The following CROCC2 variants were observed in gnomAD, a reference collection of about 807,000 sequenced individuals.
CROCC2 encodes ciliary rootlet coiled-coil, rootletin family member 2.
CROCC2 carries 163 observed loss-of-function variants against 177.6 expected under a neutral mutation model. The observed-to-expected ratio is 0.92, with a 90% CI of 0.81 to 1.05. The LOEUF (loss-of-function observed/expected upper bound fraction) is 1.05. CROCC2 is among the 50% of genes least tolerant of loss of function. The pLI is 0.00. For missense variants in CROCC2, 1,929 were observed against 1,797.8 expected (o/e 1.07, Z -1.32); for synonymous variants, 904 against 787.3 (o/e 1.15, Z -2.48).
At position 240,932,385 on chromosome 2, in the gene CROCC2, G is replaced by T; in HGVS notation, c.1015G>T (p.Ala339Ser). ...GAATGAGCAGAAGGCGAAGACCATC[G>T]CTGCCCTCAGAACCGACCTGCAGAA... ...EQNEQKAKTI[A>S]ALRTDLQNLV... is the part of the protein sequence containing the mutation. The change falls in exon 8 of 32, where the codon GCT becomes TCT. Residue 339 changes from alanine (A) to serine (S), a missense_variant. By Grantham distance (99) the Ala-to-Ser change is moderately conservative. Around this residue, in one of 3 missense-constraint regions of CROCC2, gnomAD observed 1,397 missense variants for 1,239.9 expected, o/e 1.13. Coordinates refer to ENST00000690015, the MANE Select transcript of CROCC2 (RefSeq NM_001351305.2). The T allele has an allele frequency of 1.4e-6, 1 of 717,482 alleles. No individual in the cohort carries two copies. The highest frequency in any genetic ancestry group is 2.6e-6 in the Non-Finnish European group (1 of 385,062). 44.4% of individuals were successfully genotyped at this position (717,482 alleles called of 1,614,324 possible). A position where few individuals can be genotyped will look rare whatever the true frequency, so the allele number is the denominator to read the frequency against.
rs146695571 is a variant in CROCC2 at position 240,993,067 on chromosome 2, G to T, written c.4948G>T (p.Ala1650Ser). 4 of 716,878 alleles carry T rather than the reference G, an allele frequency of 5.6e-6. No homozygotes were observed. The African/African-American group carries it at 7.0e-5, about 13-fold the overall frequency. The allele number at this position is 716,878 out of a possible 1,614,324, so 44.4% of individuals were successfully genotyped here. ...GCCTCCCTCTTTGCATCCCTGCAGC[G>T]CCCAAAGGGACTGAAGCTCCCAGCA... ...HLGQAFQTGH[A>S]QRD The change falls in exon 32 of 32, where the codon GCC (alanine) becomes TCC (serine). Residue 1650 changes from alanine to serine, a missense_variant and splice_region_variant. This residue lies in a region of CROCC2 where 388 missense variants were observed against 352.7 expected (regional missense o/e 1.10). Transcript: ENST00000690015.
chr2:240,958,799 G>A lies in CROCC2; in HGVS notation c.2944-502G>A, dbSNP rs1359137133. 6.6e-6 allele frequency among the ~76,000 whole-genome samples: 1 copy of A among 152,228 alleles called. No individual in the cohort carries two copies. The highest frequency in any genetic ancestry group is 1.5e-5 in the Non-Finnish European group (1 of 68,026). On this transcript the variant is annotated intron_variant, in intron 19 of 31. Transcript: ENST00000690015. This position sits in a 1 kb window ranked among gnomAD's most constrained non-coding sequence, Gnocchi z 6.7. ...AGCGGGGTGGTGTCCCGAGGGGCCT[G>A]GGGCTTGGGGTGAAGAAGGTGGTAT...
intron 14 of CROCC2, among the ~76,000 whole-genome samples, chr2:240,940,653 A>G (rs1025378620): frequency 1.3e-5 from 2 of 152,198 alleles, no homozygotes; most frequent in African/African-American, 4.8e-5. Context: ...GCATCCCTTT[A>G]TGATTAAAAC....
At position 240,933,290 on chromosome 2, in the gene CROCC2, G is replaced by T; in HGVS notation, c.1411G>T (p.Ala471Ser). The change falls in exon 10 of 32, where the codon GCC becomes TCC. Residue 471 changes from alanine to serine, a missense_variant. By Grantham distance (99) the Ala-to-Ser change is moderately conservative. Around this residue, in one of 3 missense-constraint regions of CROCC2, gnomAD observed 1,397 missense variants for 1,239.9 expected, o/e 1.13. Coordinates refer to ENST00000690015, the MANE Select transcript of CROCC2 (RefSeq NM_001351305.2). ...EREALRGQLE[A>S]QRLEVQQCRA... ...AGAGGCTCTTCGGGGCCAGCTGGAG[G>T]CCCAGAGGCTCGAGGTGCAGCAGTG... 6.5e-7 allele frequency: 1 copy of T among 1,545,556 alleles called. No individual in the cohort carries two copies. The highest frequency in any genetic ancestry group is 8.7e-7 in the Non-Finnish European group (1 of 1,145,966).
chr2:240,935,482 G>A lies in CROCC2; in HGVS notation c.2063G>A (p.Gly688Asp), dbSNP rs1358088759. The A allele has an allele frequency of 3.7e-6, 5 of 1,357,110 alleles. No homozygotes were observed. Among genetic ancestry groups the A allele is most frequent in the Non-Finnish European group, 3.8e-6 (4 of 1,051,094 alleles). The allele number at this position is 1,357,110 out of a possible 1,614,324, so 84.1% of individuals were successfully genotyped here. The part of the protein sequence containing the change: ...QLALERAERR[G>D]LQQACGRLEQ... ...GCGCTGGAGCGGGCAGAGCGCAGGGGCCTGCAGCAGGCCTGCGGACGCCTG... is the reference window on the plus strand; with the variant it reads ...GCGCTGGAGCGGGCAGAGCGCAGGGACCTGCAGCAGGCCTGCGGACGCCTG... Residue 688 changes from glycine to aspartate, a missense_variant, in exon 14 of 32, where the codon GGC becomes GAC. Physicochemically the swap from Gly to Asp is moderately conservative, Grantham distance 94. Around this residue, in one of 3 missense-constraint regions of CROCC2, gnomAD observed 1,397 missense variants for 1,239.9 expected, o/e 1.13. Coordinates refer to ENST00000690015, the MANE Select transcript of CROCC2 (RefSeq NM_001351305.2).
intron 14 of CROCC2, among the ~76,000 whole-genome samples, chr2:240,940,471 G>A (rs1207066589): frequency 6.6e-6 from 1 of 151,986 alleles, no homozygotes; most frequent in African/African-American, 2.4e-5. Context: ...ACTTGTCTAT[G>A]TCTGCTTATT....
Position 240,917,914 on chromosome 2 carries a change from G to A in CROCC2, c.79-812G>A, listed in dbSNP as rs746350033. 2.0e-5 allele frequency among the ~76,000 whole-genome samples: 3 copies of A among 152,092 alleles called. No individual in the cohort carries two copies. The highest frequency in any genetic ancestry group is 1.9e-4 in the East Asian group (1 of 5,178). On this transcript the variant is annotated intron_variant, in intron 1 of 31. Coordinates refer to ENST00000690015, the MANE Select transcript of CROCC2 (RefSeq NM_001351305.2). The surrounding 1 kb of genome is among the most constrained non-coding windows in gnomAD (Gnocchi z 4.9). The stretch of plus-strand genomic sequence containing the variant: ...CAGGAGTCCCCTGCCCTGGGGTCCC[G>A]GCCCTCCCCAAGCTGTGCCCCTGCC...
At position 240,949,421 on chromosome 2, in the gene CROCC2, G is replaced by A. The variant is rs1004786719; in HGVS notation, c.2483-112G>A. The A allele has an allele frequency of 9.9e-5, 132 of 1,336,204 alleles. No homozygotes were observed. The highest frequency in any genetic ancestry group is 1.1e-4 in the Non-Finnish European group (112 of 979,450). The allele number at this position is 1,336,204 out of a possible 1,614,324, so 82.8% of individuals were successfully genotyped here. A position where few individuals can be genotyped will look rare whatever the true frequency, so the allele number is the denominator to read the frequency against. ...TGCCATGTGCTGGCCACCCACTCCC[G>A]GAGCCTGGAGTGGACAGTGCTTGCC... On this transcript the variant is annotated intron_variant, in intron 16 of 31. Transcript: ENST00000690015. The surrounding 1 kb of genome is among the most constrained non-coding windows in gnomAD (Gnocchi z 4.5).
rs548828688 is a variant in CROCC2 at position 240,982,023 on chromosome 2, CAGG to C, written c.4402-851_4402-849del. The C allele has an allele frequency of 4.6e-5, 7 of 152,056 alleles. No individual in the cohort carries two copies. The highest frequency in any genetic ancestry group is 7.4e-5 in the Non-Finnish European group (5 of 68,026). The allele number at this position is 152,056 out of a possible 1,614,324, so 9.4% of individuals were successfully genotyped here. A position where few individuals can be genotyped will look rare whatever the true frequency, so the allele number is the denominator to read the frequency against. On this transcript the variant is annotated intron_variant, in intron 27 of 31. Transcript: ENST00000690015. The surrounding 1 kb of genome is among the most constrained non-coding windows in gnomAD (Gnocchi z 4.7). ...GACAGGGAGGCAGGATTCCTGCAAG[CAGG>C]AGGAGAAGGCAGCAGCGTAGGGTGG...
rs2059348332 is a variant in CROCC2 at position 240,920,026 on chromosome 2, GGA to G, written c.276_277del (p.Asn93ArgfsTer23). Reference protein sequence around the residue: ...PTATVARVQEENELLQEELTR... With the variant: ...PTATVARVQEXNELLQEELTR... ...CAGCCACTGTGGCCCGAGTGCAAGAGGAGAACGAGCTCCTGCAGGAGGAGCTG... is the reference window on the plus strand; with the variant it reads ...CAGCCACTGTGGCCCGAGTGCAAGAGGAACGAGCTCCTGCAGGAGGAGCTG... On this transcript the variant is annotated frameshift_variant, in exon 3 of 32. Coordinates refer to ENST00000690015, the MANE Select transcript of CROCC2 (RefSeq NM_001351305.2). LOFTEE classifies it high-confidence loss of function. 7 of 716,612 alleles carry G rather than the reference GGA, an allele frequency of 9.8e-6. No individual in the cohort carries two copies. In the South Asian group the frequency reaches 1.0e-4, roughly 11 times the overall value. 44.4% of individuals were successfully genotyped at this position (716,612 alleles called of 1,614,324 possible).
At position 240,933,359 on chromosome 2, in the gene CROCC2, G is replaced by T. The variant is rs765292767; in HGVS notation, c.1463+17G>T. Reference sequence around the variant, plus strand: ...CCTGGGGAGGTAATGGGGTGAAGGGGTTGCACGGCCTTGCACAGGGTGTAT... The same window carrying T: ...CCTGGGGAGGTAATGGGGTGAAGGGTTTGCACGGCCTTGCACAGGGTGTAT... On this transcript the variant is annotated intron_variant, in intron 10 of 31. Coordinates refer to ENST00000690015, the MANE Select transcript of CROCC2 (RefSeq NM_001351305.2). 5 of 1,494,692 alleles carry T rather than the reference G, an allele frequency of 3.3e-6. No homozygotes were observed. The South Asian group carries it at 6.6e-5, about 20-fold the overall frequency. 92.6% of individuals were successfully genotyped at this position (1,494,692 alleles called of 1,614,324 possible). A position where few individuals can be genotyped will look rare whatever the true frequency, so the allele number is the denominator to read the frequency against.
At chr2:240,919,901 G>A (rs1018681462) in intron 2 of CROCC2, 82 bp from the exon 3 acceptor site, 18 of 636,002 alleles carry the variant, frequency 2.8e-5, no homozygotes, top group Middle Eastern at 3.4e-4. Flanking sequence ...CCAGCCCAGG[G>A]TCCCACCGTG....
Position 240,949,016 on chromosome 2 carries a change from G to T in CROCC2, c.2401G>T (p.Ala801Ser). The T allele has an allele frequency of 6.5e-7, 1 of 1,550,118 alleles. No individual in the cohort carries two copies. Among genetic ancestry groups the T allele is most frequent in the Non-Finnish European group, 8.7e-7 (1 of 1,146,882 alleles). ...CTCCCTGGAGAGCAGCCTCCTTGAGGCCCAACAGCTGGCCACAAAGCTGCA... is the reference window on the plus strand; with the variant it reads ...CTCCCTGGAGAGCAGCCTCCTTGAGTCCCAACAGCTGGCCACAAAGCTGCA... Reference protein sequence around the residue: ...RDSLESSLLEAQQLATKLQEQ... With the variant: ...RDSLESSLLESQQLATKLQEQ... Residue 801 changes from alanine to serine, a missense_variant, in exon 16 of 32, where the codon GCC becomes TCC. By Grantham distance (99) the Ala-to-Ser change is moderately conservative. Coordinates refer to ENST00000690015, the MANE Select transcript of CROCC2 (RefSeq NM_001351305.2). This position sits in a 1 kb window ranked among gnomAD's most constrained non-coding sequence, Gnocchi z 4.5.
rs1051472720 is a variant in CROCC2, at chr2:240,972,221, A to C, written c.4401+3959A>C. Reference sequence around the variant, plus strand: ...CAGGGACTTTATGTGTCCCCATCCAAATATTTCAGGCTCAAAAGAAAGGCA... The same window carrying C: ...CAGGGACTTTATGTGTCCCCATCCACATATTTCAGGCTCAAAAGAAAGGCA... On this transcript the variant is annotated intron_variant, in intron 27 of 31. Transcript: ENST00000690015. This position sits in a 1 kb window ranked among gnomAD's most constrained non-coding sequence, Gnocchi z 7.1. Among the ~76,000 whole-genome samples, 1 of 152,140 alleles carries C rather than the reference A, an allele frequency of 6.6e-6. No homozygotes were observed. Among genetic ancestry groups the C allele is most frequent in the Non-Finnish European group, 1.5e-5 (1 of 68,022 alleles).
intron 18 of CROCC2, 131 bp from the exon 19 acceptor site, chr2:240,955,728 G>T (rs1202896102): frequency 1.6e-6 from 1 of 629,474 alleles, no homozygotes; most frequent in African/African-American, 1.8e-5. Context: ...TGTGCAGACA[G>T]GAACATGAAC....
chr2:240,946,096 G>T lies in CROCC2; in HGVS notation c.2206G>T (p.Ala736Ser). 6.5e-7 allele frequency: 1 copy of T among 1,532,128 alleles called. No homozygotes were observed. Among genetic ancestry groups the T allele is most frequent in the Non-Finnish European group, 8.8e-7 (1 of 1,132,370 alleles). The allele number at this position is 1,532,128 out of a possible 1,614,324, so 94.9% of individuals were successfully genotyped here. A position where few individuals can be genotyped will look rare whatever the true frequency, so the allele number is the denominator to read the frequency against. ...GAAACAGGCCCTGGAGGAGCAGCTGGCTCAGAGCCTGCAGGACCAGGAGGC... is the reference window on the plus strand; with the variant it reads ...GAAACAGGCCCTGGAGGAGCAGCTGTCTCAGAGCCTGCAGGACCAGGAGGC... ...CQKQALEEQL[A>S]QSLQDQEAQM... The change falls in exon 15 of 32, where the codon GCT (alanine) becomes TCT (serine). Residue 736 changes from alanine to serine, a missense_variant. Transcript: ENST00000690015.
intron 27 of CROCC2, among the ~76,000 whole-genome samples, chr2:240,974,175 C>A (rs1392595433): frequency 6.6e-6 from 1 of 152,166 alleles, no homozygotes; most frequent in Non-Finnish European, 1.5e-5. Flanking sequence ...GGAGTTATAT[C>A]TGTTTCTCTC....
chr2:240,919,845 C>T (rs1574747071), intron 2 of CROCC2, 138 bp from the exon 3 acceptor site: 1 of 572,748 alleles, frequency 1.7e-6, no homozygotes, highest in East Asian at 3.1e-5. Flanking sequence ...AGATCTGGGA[C>T]CCCTCCCAGG....
intron 14 of CROCC2, among the ~76,000 whole-genome samples, chr2:240,944,029 C>T (rs75032197): frequency 0.037 from 5,706 of 152,196 alleles, 326 homozygotes; most frequent in African/African-American, 0.13. Flanking sequence ...CAACAACCCA[C>T]CTCACCATTA....
Sources: allele counts gnomAD v4.1 joint callset (sites outside exome capture counted in the v4.1 genomes callset), GRCh38; gene constraint gnomAD v4.1.1; regional missense constraint gnomAD v4.1.1; non-coding constraint Gnocchi (gnomAD v3.1); transcripts MANE v1.5; gene names NCBI Gene and HGNC (gene_info 2026-07-23, HGNC 2026-07-21).